CNN3: variants seen among roughly 807,000 people sequenced by gnomAD.
CNN3 encodes calponin 3.
In CNN3, 11 loss-of-function variants were observed where a neutral mutation model predicts 39.0. The ratio of observed to expected loss-of-function variants is 0.28; its 90% CI spans 0.18 to 0.47. CNN3 has a LOEUF of 0.47. Ranked by LOEUF, CNN3 falls within the 20% of genes least tolerant of loss-of-function variation. The pLI is 0.99. For missense variants in CNN3, 266 were observed against 403.4 expected (o/e 0.66, Z 2.92); for synonymous variants, 101 against 138.3 (o/e 0.73, Z 1.89).
intron 1 of CNN3, among the ~76,000 whole-genome samples, chr1:94,911,112 G>A (rs911114242): frequency 2.0e-5 from 3 of 152,188 alleles, no homozygotes; most frequent in African/African-American, 7.2e-5. Flanking sequence ...ATGGGGGGTG[G>A]GAGTGGGAAT....
At chr1:94,918,582 G>A (rs1363414208) in intron 1 of CNN3, among the ~76,000 whole-genome samples, 2 of 150,658 alleles carry the variant, frequency 1.3e-5, no homozygotes, top group African/African-American at 4.9e-5. Context: ...GTTCCAAAGC[G>A]CATTGCCAGC....
At chr1:94,902,990 G>T in intron 3 of CNN3, 132 bp downstream of exon 3, 1 of 596,898 alleles carries the variant, frequency 1.7e-6, no homozygotes, top group Non-Finnish European at 2.7e-6. Context: ...CTGCTACAAT[G>T]TCTATGTAAA....
chr1:94,905,865 T>C (rs1670984662), intron 1 of CNN3, among the ~76,000 whole-genome samples: 1 of 151,826 alleles, frequency 6.6e-6, no homozygotes, highest in African/African-American at 2.4e-5. Flanking sequence ...CCTGCCTCCA[T>C]TACTCCTATT....
In CNN3 at chr1:94,903,388, A is replaced by T; in HGVS notation, c.179+15T>A. The T allele has an allele frequency of 6.4e-7, 1 of 1,568,014 alleles. No individual in the cohort carries two copies. Among genetic ancestry groups the T allele is most frequent in the South Asian group, 1.2e-5 (1 of 81,896 alleles). ...CTGGAAGAGCAGAAACAGATTCTGGAGGGCTGTAACTCACTCGCAGAGGAT... is the reference window on the plus strand; with the variant it reads ...CTGGAAGAGCAGAAACAGATTCTGGTGGGCTGTAACTCACTCGCAGAGGAT... On this transcript the variant is annotated intron_variant, in intron 2 of 6. Coordinates refer to ENST00000370206, the MANE Select transcript of CNN3 (RefSeq NM_001839.5).
chr1:94,917,279 G>A (rs929132965), intron 1 of CNN3, among the ~76,000 whole-genome samples: 13 of 152,068 alleles, frequency 8.5e-5, no homozygotes, highest in South Asian at 4.1e-4. Context: ...CAGTTGATCC[G>A]CCCACCTCAG....
intron 6 of CNN3, among the ~76,000 whole-genome samples, chr1:94,898,799 GA>G (rs1457476151): frequency 6.6e-6 from 1 of 152,188 alleles, no homozygotes; most frequent in Admixed American, 6.5e-5. Flanking sequence ...GACTCGGTAA[GA>G]AAATGTTTTT....
chr1:94,925,764 G>A (rs1671559942), intron 1 of CNN3: 1 of 985,456 alleles, frequency 1.0e-6, no homozygotes, highest in Non-Finnish European at 1.2e-6. Context: ...CTCCCGGGAG[G>A]TTAATGGGAA....
At position 94,897,970 on chromosome 1, in the gene CNN3, G is replaced by A. The variant is rs1296001605; in HGVS notation, c.762C>T (p.Ser254=). The change falls in exon 7 of 7, where the codon TCC becomes TCT. Residue 254 remains serine, a synonymous_variant. Coordinates refer to ENST00000370206, the MANE Select transcript of CNN3 (RefSeq NM_001839.5). ...GCCCATACACACTCATTCCTTTCTG[G>A]GAAGCAACTTTGTTGGTACCCATCT... ...SLQMGTNKVA[S]QKGMSVYGLG... 1 of 1,614,026 alleles carries A rather than the reference G, an allele frequency of 6.2e-7. No individual in the cohort carries two copies. The highest frequency in any genetic ancestry group is 1.7e-5 in the Admixed American group (1 of 59,990).
At position 94,897,728 on chromosome 1, in the gene CNN3, C is replaced by A. The variant is rs758733559; in HGVS notation, c.*14G>T. ...AAAACAAAGGACTAAATACTGAGCT[C>A]CTTCTGTGTGGATCTAATAATCAAT... On this transcript the variant is annotated 3_prime_UTR_variant, in exon 7 of 7. Transcript: ENST00000370206. 2.5e-6 allele frequency: 4 copies of A among 1,607,654 alleles called. No homozygotes were observed. The African/African-American group carries it at 5.3e-5, about 21-fold the overall frequency.
At chr1:94,903,279 G>A (rs1670914780) in intron 2 of CNN3, 91 bp from the exon 3 acceptor site, 3 of 1,563,048 alleles carry the variant, frequency 1.9e-6, no homozygotes, top group Non-Finnish European at 2.6e-6. Context: ...ATCAGTAAGG[G>A]AAAGCATTAA....
intron 3 of CNN3, 86 bp from the exon 4 acceptor site, chr1:94,902,344 A>G: frequency 8.7e-7 from 1 of 1,150,986 alleles, no homozygotes; most frequent in Non-Finnish European, 1.2e-6. Flanking sequence ...ATAAACAGTT[A>G]TAAGACGCTG....
intron 1 of CNN3, among the ~76,000 whole-genome samples, chr1:94,908,001 A>G (rs1671054319): frequency 6.6e-6 from 1 of 152,188 alleles, no homozygotes; most frequent in Non-Finnish European, 1.5e-5. Flanking sequence ...TTTCAAATCC[A>G]CAGCAGCCCC....
In CNN3 at chr1:94,899,402, A is replaced by G; in HGVS notation, c.617T>C (p.Leu206Pro). Residue 206 changes from leucine (L) to proline (P), a missense_variant, in exon 6 of 7, where the codon CTG becomes CCG. Coordinates refer to ENST00000370206, the MANE Select transcript of CNN3 (RefSeq NM_001839.5). ...GGCTCCTTTATTAGTGCCCATCTGC[A>G]GACTAATTGTGGTCTGGTCAAAAGG... ...DKPFDQTTIS[L>P]QMGTNKGASQ... 2 of 1,614,040 alleles carry G rather than the reference A, an allele frequency of 1.2e-6. No individual in the cohort carries two copies. Among genetic ancestry groups the G allele is most frequent in the Non-Finnish European group, 1.7e-6 (2 of 1,179,940 alleles).
chr1:94,918,443 G>A (rs544787096), intron 1 of CNN3, among the ~76,000 whole-genome samples: 1 of 138,194 alleles, frequency 7.2e-6, no homozygotes, highest in South Asian at 2.4e-4. Context: ...ACAACGAGCC[G>A]AGATCACACC....
At chr1:94,925,081 G>A (rs1328658817) in intron 1 of CNN3, among the ~76,000 whole-genome samples, 2 of 152,148 alleles carry the variant, frequency 1.3e-5, no homozygotes, top group Non-Finnish European at 2.9e-5. Flanking sequence ...AGCAGGAAAA[G>A]GGCAAAAGCT....
intron 1 of CNN3, among the ~76,000 whole-genome samples, chr1:94,916,020 C>T (rs1186757999): frequency 6.6e-6 from 1 of 152,162 alleles, no homozygotes; most frequent in Non-Finnish European, 1.5e-5. Context: ...TTTACTTGGT[C>T]CATCAATGGG....
Position 94,926,369 on chromosome 1 carries a change from C to A in CNN3, c.57+469G>T, listed in dbSNP as rs906330581. ...CGGGACATTAGGCGGTCTCTCTCCC[C>A]GTGGGGAGGCGCGGAGTCCGCCAGC... is the stretch of plus-strand genomic sequence containing the variant. On this transcript the variant is annotated intron_variant, in intron 1 of 6. Transcript: ENST00000370206. This position sits in a 1 kb window ranked among gnomAD's most constrained non-coding sequence, Gnocchi z 4.2. Among the ~76,000 whole-genome samples, 12 of 152,180 alleles carry A rather than the reference C, an allele frequency of 7.9e-5. No homozygotes were observed. Among genetic ancestry groups the A allele is most frequent in the Admixed American group, 2.6e-4 (4 of 15,288 alleles).
intron 1 of CNN3, among the ~76,000 whole-genome samples, chr1:94,921,405 AAAAG>A (rs779199537): frequency 7.9e-5 from 12 of 152,296 alleles, no homozygotes; most frequent in Admixed American, 3.9e-4. Context: ...AAAAAAATAA[AAAAG>A]AGAGAGAAGA....
intron 1 of CNN3, among the ~76,000 whole-genome samples, chr1:94,910,624 C>G (rs879514222): frequency 2.0e-5 from 3 of 152,198 alleles, no homozygotes; most frequent in Non-Finnish European, 4.4e-5. Context: ...GCTTTCAAGT[C>G]AAACTTCAAA....
Sources: gnomAD v4.1 joint callset for allele counts (sites outside exome capture counted in the v4.1 genomes callset) on GRCh38, gnomAD v4.1.1 for gene constraint, Gnocchi (gnomAD v3.1) non-coding constraint, MANE v1.5 for transcripts, NCBI Gene and HGNC (gene_info 2026-07-23, HGNC 2026-07-21) for gene names.